Variants in SUGCT observed in about 807,000 individuals in gnomAD.
The protein encoded by SUGCT is succinyl-CoA:glutarate-CoA transferase, also known as succinyl-CoA:glutarate CoA-transferase.
A neutral mutation model predicts 55.0 loss-of-function variants in SUGCT; 41 were observed. That is an observed-to-expected ratio of 0.74 (90% confidence interval 0.58 to 0.97). The LOEUF is 0.97. Ranked by LOEUF, SUGCT falls within the 50% of genes least tolerant of loss-of-function variation. The pLI, the probability that SUGCT is intolerant of heterozygous loss-of-function variation, is 0.00. For synonymous variants in SUGCT, 187 were observed against 200.4 expected (o/e 0.93, Z 0.56); for missense variants, 568 against 547.8 (o/e 1.04, Z -0.37).
intron 1 of SUGCT, among the ~76,000 whole-genome samples, chr7:40,140,667 G>C (rs756414397): frequency 7.1e-6 from 1 of 141,486 alleles, no homozygotes; most frequent in Non-Finnish European, 1.5e-5. Flanking sequence ...CCAAAGTGCT[G>C]GGATTACAGG....
chr7:40,556,778 G>C (rs577909783), intron 12 of SUGCT, among the ~76,000 whole-genome samples: 17 of 152,180 alleles, frequency 1.1e-4, no homozygotes, highest in Non-Finnish European at 2.9e-5. Flanking sequence ...TTTAAAGCAC[G>C]TGGAACAGTT....
intron 12 of SUGCT, among the ~76,000 whole-genome samples, chr7:40,510,229 A>C (rs1163832566): frequency 6.6e-6 from 1 of 152,082 alleles, no homozygotes; most frequent in African/African-American, 2.4e-5. Flanking sequence ...TTGCTTTTTA[A>C]TTACATATAT....
chr7:40,945,623 G>A, the SUGCT span, among the ~76,000 whole-genome samples: 9 of 152,140 alleles, frequency 5.9e-5, no homozygotes, highest in African/African-American at 2.2e-4. Context: ...CCCCCACTGA[G>A]CCCAGCACTG....
In SUGCT at chr7:40,296,559, A is replaced by G. The variant is rs115032041; in HGVS notation, c.721-20201A>G. Among the ~76,000 whole-genome samples the G allele has an allele frequency of 4.0e-3, 606 of 151,686 alleles. 5 individuals carry two copies. Among genetic ancestry groups the G allele is most frequent in the African/African-American group, 0.014 (585 of 41,364 alleles). On this transcript the variant is annotated intron_variant, in intron 8 of 13. Transcript: ENST00000335693. ...ATGCAATGCAATTTTTTTTTCCCTT[A>G]TAAGGCAAAATCTCAGAGAGAGGGG...
At chr7:40,604,667 C>G (rs1362118148) in intron 12 of SUGCT, among the ~76,000 whole-genome samples, 1 of 152,128 alleles carries the variant, frequency 6.6e-6, no homozygotes, top group Non-Finnish European at 1.5e-5. Context: ...TATTCACTTA[C>G]AGAAAGAAAG....
rs750514599 is a variant in SUGCT at position 40,860,367 on chromosome 7, C to A, written c.1205C>A (p.Pro402Gln). ...AAGATGTCAGAGGCCAGGCCGCCCC[C>A]GCTGCTCGGGCAGCACACAACGCAC... Reference protein sequence around the residue: ...KFKMSEARPPPLLGQHTTHIL... With the variant: ...KFKMSEARPPQLLGQHTTHIL... The change falls in exon 14 of 14, where the codon CCG (proline) becomes CAG (glutamine). Residue 402 changes from proline (P) to glutamine (Q), a missense_variant. Pro to Gln is a moderately conservative substitution (Grantham distance 76, BLOSUM62 -1). Transcript: ENST00000335693. The A allele has an allele frequency of 1.2e-6, 2 of 1,613,820 alleles. No homozygotes were observed. Among genetic ancestry groups the A allele is most frequent in the East Asian group, 2.2e-5 (1 of 44,886 alleles).
At chr7:40,886,692 G>A in the SUGCT span, among the ~76,000 whole-genome samples, 1 of 152,162 alleles carries the variant, frequency 6.6e-6, no homozygotes, top group Non-Finnish European at 1.5e-5. Flanking sequence ...TCCTAGGCCT[G>A]CTAACTAGCC....
At chr7:40,546,312 A>G (rs1794986578) in intron 12 of SUGCT, among the ~76,000 whole-genome samples, 2 of 152,240 alleles carry the variant, frequency 1.3e-5, no homozygotes, top group Non-Finnish European at 2.9e-5. Flanking sequence ...ATATGAAATA[A>G]TTATACTCAT....
intron 8 of SUGCT, among the ~76,000 whole-genome samples, chr7:40,280,049 A>G (rs542991572): frequency 6.6e-6 from 1 of 152,178 alleles, no homozygotes; most frequent in African/African-American, 2.4e-5. Context: ...TGAAATTGTT[A>G]TATTCCTCTT....
chr7:40,225,753 G>T (rs958834742), intron 6 of SUGCT, among the ~76,000 whole-genome samples: 3 of 152,006 alleles, frequency 2.0e-5, no homozygotes, highest in African/African-American at 4.8e-5. Context: ...ATGAATTGTT[G>T]ATACTCATGG....
intron 13 of SUGCT, among the ~76,000 whole-genome samples, chr7:40,841,615 T>C (rs1321650460): frequency 1.3e-5 from 2 of 152,220 alleles, no homozygotes; most frequent in Non-Finnish European, 2.9e-5. Flanking sequence ...CTTACAGGTT[T>C]GTAAGACATC....
chr7:40,899,147 C>A, the SUGCT span, among the ~76,000 whole-genome samples: 3 of 152,292 alleles, frequency 2.0e-5, no homozygotes, highest in East Asian at 5.8e-4. Context: ...TGCTGCTCTT[C>A]CTCTCGCTTT....
At chr7:40,266,026 A>C (rs1562627399) in intron 7 of SUGCT, among the ~76,000 whole-genome samples, 1 of 152,014 alleles carries the variant, frequency 6.6e-6, no homozygotes, top group Non-Finnish European at 1.5e-5. Context: ...TTTCCCCTTC[A>C]TCTCTAGATT....
At chr7:40,834,369 T>C (rs1792853261) in intron 13 of SUGCT, among the ~76,000 whole-genome samples, 1 of 152,170 alleles carries the variant, frequency 6.6e-6, no homozygotes, top group African/African-American at 2.4e-5. Flanking sequence ...TTGCATCTGA[T>C]ATAAAATCAG....
chr7:40,434,575 G>C (rs1049825552), intron 9 of SUGCT, among the ~76,000 whole-genome samples: 8 of 152,140 alleles, frequency 5.3e-5, no homozygotes, highest in African/African-American at 1.7e-4. Flanking sequence ...AAAAGAATTA[G>C]TCATATAGTC....
chr7:40,543,663 G>T (rs1236672005), intron 12 of SUGCT, among the ~76,000 whole-genome samples: 1 of 152,180 alleles, frequency 6.6e-6, no homozygotes, highest in Non-Finnish European at 1.5e-5. Context: ...GATTTTTCAT[G>T]TGCAAATTAT....
chr7:40,933,628 A>G, the SUGCT span, among the ~76,000 whole-genome samples: 1 of 151,854 alleles, frequency 6.6e-6, no homozygotes, highest in Non-Finnish European at 1.5e-5. Flanking sequence ...GGCTTTGTTC[A>G]TTTCTTTTTA....
the SUGCT span, among the ~76,000 whole-genome samples, chr7:40,899,428 A>G: frequency 6.6e-6 from 1 of 152,106 alleles, no homozygotes; most frequent in Non-Finnish European, 1.5e-5. Context: ...GCTCCAGGCT[A>G]TGGTGTCAGC....
intron 6 of SUGCT, among the ~76,000 whole-genome samples, chr7:40,216,671 G>A (rs900107193): frequency 2.0e-5 from 3 of 151,836 alleles, no homozygotes; most frequent in African/African-American, 7.3e-5. Context: ...GGCCAACATG[G>A]TCAAACCCCA....
Sources: allele counts gnomAD v4.1 joint callset (sites outside exome capture counted in the v4.1 genomes callset), GRCh38; gene constraint gnomAD v4.1.1; transcripts MANE v1.5; gene names NCBI Gene and HGNC (gene_info 2026-07-23, HGNC 2026-07-21).